Variants in ECPAS observed in about 807,000 individuals in gnomAD.
ECPAS encodes proteasome adapter and scaffold protein ECM29.
ECPAS carries 70 observed loss-of-function variants against 255.1 expected under a neutral mutation model. The observed-to-expected ratio is 0.27, with a 90% CI of 0.23 to 0.33. The LOEUF is 0.33. ECPAS is among the 10% of genes least tolerant of loss of function. ECPAS has a pLI of 1.00. For missense variants in ECPAS, 1,817 were observed against 2,206.4 expected (o/e 0.82, Z 3.54); for synonymous variants, 784 against 775.0 (o/e 1.01, Z -0.19).
chr9:111,397,917 T>C (rs931156499), intron 24 of ECPAS, among the ~76,000 whole-genome samples: 21 of 152,228 alleles, frequency 1.4e-4, no homozygotes, highest in Non-Finnish European at 2.1e-4. Context: ...AAATTCTATA[T>C]AGTACCCACT....
At chr9:111,417,840 T>A (rs1399906834) in intron 17 of ECPAS, 43 bp downstream of exon 17, 1 of 1,480,076 alleles carries the variant, frequency 6.8e-7, no homozygotes, top group Middle Eastern at 1.8e-4. Context: ...ATTTTCATCA[T>A]CCATTATGAT....
At chr9:111,474,375 A>T (rs1386833671) in intron 1 of ECPAS, among the ~76,000 whole-genome samples, 2 of 152,208 alleles carry the variant, frequency 1.3e-5, no homozygotes, top group African/African-American at 4.8e-5. Flanking sequence ...TCGTCAGCCA[A>T]CAATTTCTCC....
chr9:111,470,751 C>CACACACAG (rs1420601504), intron 2 of ECPAS, among the ~76,000 whole-genome samples: 95 of 146,958 alleles, frequency 6.5e-4, no homozygotes, highest in Non-Finnish European at 1.1e-3. Context: ...TCCCGCCACA[C>CACACACAG]ACACACACAC....
intron 2 of ECPAS, among the ~76,000 whole-genome samples, chr9:111,468,676 G>A (rs531434443): frequency 6.6e-6 from 1 of 151,598 alleles, no homozygotes; most frequent in East Asian, 1.9e-4. Context: ...TGTGTTTCAT[G>A]TCCAAGCTCA....
At chr9:111,378,329 T>C (rs1040608485) in intron 36 of ECPAS, among the ~76,000 whole-genome samples, 1 of 152,128 alleles carries the variant, frequency 6.6e-6, no homozygotes, top group African/African-American at 2.4e-5. Context: ...CCTAACAAAA[T>C]TGAAATATAC....
chr9:111,474,200 A>C (rs1484924402), intron 1 of ECPAS, among the ~76,000 whole-genome samples: 1 of 152,148 alleles, frequency 6.6e-6, no homozygotes, highest in Non-Finnish European at 1.5e-5. Flanking sequence ...TCAACAAATA[A>C]TCTTTCTGCT....
chr9:111,436,707 C>T (rs1388169584), intron 7 of ECPAS, among the ~76,000 whole-genome samples: 4 of 152,146 alleles, frequency 2.6e-5, no homozygotes, highest in African/African-American at 4.8e-5. Context: ...GTGCTTTATA[C>T]TTGACATATG....
At chr9:111,381,338 C>A (rs1200147576) in intron 35 of ECPAS, among the ~76,000 whole-genome samples, 1 of 152,192 alleles carries the variant, frequency 6.6e-6, no homozygotes, top group Non-Finnish European at 1.5e-5. Context: ...AGGACACACA[C>A]AACACTGACC....
At chr9:111,371,284 C>T (rs915721916) in intron 43 of ECPAS, among the ~76,000 whole-genome samples, 1 of 152,156 alleles carries the variant, frequency 6.6e-6, no homozygotes, top group African/African-American at 2.4e-5. Flanking sequence ...CACATATGCC[C>T]AATCCTGATC....
chr9:111,447,830 TAC>T (rs2098255331), intron 3 of ECPAS, among the ~76,000 whole-genome samples: 1 of 152,158 alleles, frequency 6.6e-6, no homozygotes, highest in African/African-American at 2.4e-5. Context: ...AATAGAAAGA[TAC>T]ATTTATAATA....
chr9:111,471,603 T>A (rs979442729), intron 2 of ECPAS, among the ~76,000 whole-genome samples: 20 of 152,174 alleles, frequency 1.3e-4, no homozygotes, highest in African/African-American at 3.9e-4. Context: ...GTCCATGATA[T>A]CAGAGAATTA....
chr9:111,445,731 G>A (rs2098252031), intron 3 of ECPAS, among the ~76,000 whole-genome samples: 2 of 152,126 alleles, frequency 1.3e-5, no homozygotes, highest in South Asian at 4.1e-4. Context: ...ACAATGTGCA[G>A]GTTTTTACAT....
intron 34 of ECPAS, 129 bp from the exon 35 acceptor site, chr9:111,383,461 CAG>C: frequency 8.2e-7 from 1 of 1,219,570 alleles, no homozygotes; most frequent in South Asian, 1.6e-5. Context: ...TCTGACACTA[CAG>C]AGACACAGAG....
rs1057087095 is a variant in ECPAS at position 111,440,670 on chromosome 9, A to T, written c.390-149T>A. On this transcript the variant is annotated intron_variant, in intron 5 of 49. Transcript: ENST00000684092. ...CAACACTACTAATTTACAAAGTCCT[A>T]ATCTAGGGACTGGCCTAGAATTCTT... is the stretch of plus-strand genomic sequence containing the variant. The T allele has an allele frequency of 6.6e-6, 4 of 608,628 alleles. No individual in the cohort carries two copies. In the African/African-American group the frequency reaches 7.4e-5, roughly 11 times the overall value. The allele number at this position is 608,628 out of a possible 1,614,324, so 37.7% of individuals were successfully genotyped here.
Position 111,425,414 on chromosome 9 carries a change from T to C in ECPAS, c.1215+4A>G. The C allele has an allele frequency of 1.3e-6, 2 of 1,560,858 alleles. No homozygotes were observed. The highest frequency in any genetic ancestry group is 1.7e-6 in the Non-Finnish European group (2 of 1,153,928). ...TGATAAAATTTAAAAGACAAGTCACTTACCTCTTTGTATTCATTGATTAGC... is the reference window on the plus strand; with the variant it reads ...TGATAAAATTTAAAAGACAAGTCACCTACCTCTTTGTATTCATTGATTAGC... On this transcript the variant is annotated splice_donor_region_variant and intron_variant, in intron 12 of 49. Coordinates refer to ENST00000684092, the MANE Select transcript of ECPAS (RefSeq NM_001364929.1).
intron 12 of ECPAS, among the ~76,000 whole-genome samples, chr9:111,424,838 A>G (rs919507788): frequency 6.6e-6 from 1 of 152,210 alleles, no homozygotes; most frequent in Admixed American, 6.5e-5. Flanking sequence ...CAATAGCTAG[A>G]AGTAGCACAA....
In ECPAS at chr9:111,472,958, T is replaced by C. The variant is rs1428456988; in HGVS notation, c.-40A>G. 10 of 1,236,750 alleles carry C rather than the reference T, an allele frequency of 8.1e-6. No homozygotes were observed. The highest frequency in any genetic ancestry group is 7.3e-6 in the Non-Finnish European group (7 of 963,960). 76.6% of individuals were successfully genotyped at this position (1,236,750 alleles called of 1,614,324 possible). On this transcript the variant is annotated 5_prime_UTR_variant, in exon 2 of 50. Transcript: ENST00000684092. Reference sequence around the variant, plus strand: ...TGACAAAAATCCTCGGGATCACCAATGGTACGTTCATCCACTCGTACATAT... The same window carrying C: ...TGACAAAAATCCTCGGGATCACCAACGGTACGTTCATCCACTCGTACATAT...
chr9:111,416,199 A>ACC, intron 18 of ECPAS, 73 bp downstream of exon 18: 1 of 1,053,262 alleles, frequency 9.5e-7, no homozygotes, highest in Non-Finnish European at 1.5e-6. Context: ...AAAATGACAG[A>ACC]CCCCTCTTTG....
At chr9:111,473,502 TCGCTCTTAAATA>T (rs916772505) in intron 1 of ECPAS, among the ~76,000 whole-genome samples, 3 of 152,152 alleles carry the variant, frequency 2.0e-5, no homozygotes, top group Admixed American at 2.0e-4. Flanking sequence ...TATCTTCCTC[TCGCTCTTAAATA>T]CGTATACACG....
Sources: gnomAD v4.1 joint callset for allele counts (sites outside exome capture counted in the v4.1 genomes callset) on GRCh38, gnomAD v4.1.1 for gene constraint, MANE v1.5 for transcripts, NCBI Gene and HGNC (gene_info 2026-07-23, HGNC 2026-07-21) for gene names.